IL3RA: variants seen among roughly 807,000 people sequenced by gnomAD.
The protein encoded by IL3RA is interleukin-3 receptor subunit alpha.
A neutral mutation model predicts 52.3 loss-of-function variants in IL3RA; 73 were observed. The observed-to-expected ratio is 1.40, with a 90% confidence interval of 1.16 to 1.70. The LOEUF is 1.70. Among genes scored for constraint, IL3RA ranks in the 40% most tolerant of loss-of-function variants. IL3RA has a pLI of 0.00. For synonymous variants in IL3RA, 260 were observed against 194.0 expected, an observed-to-expected ratio of 1.34 and a Z score of -2.83; for missense variants, 664 against 504.4, an observed-to-expected ratio of 1.32 and a Z score of -3.03.
chrX:1,348,439 C>G lies in IL3RA; in HGVS notation c.192C>G (p.Asn64Lys), dbSNP rs1184428336. ...KDADYSMPAV[N>K]NSYCQFGAIS... ...TCCTATGTCTCTCTTAGGCAGTGAA[C>G]AATAGCTATTGCCAGTTTGGAGCAA... Residue 64 changes from asparagine to lysine, a missense_variant, in exon 4 of 12, where the codon AAC (asparagine) becomes AAG (lysine). Asn to Lys is a moderately conservative substitution (Grantham distance 94). Transcript: ENST00000331035. The G allele has an allele frequency of 1.4e-5, 23 of 1,612,652 alleles. No individual in the cohort carries two copies. Among genetic ancestry groups the G allele is most frequent in the Non-Finnish European group, 1.9e-5 (22 of 1,178,686 alleles).
rs770531404 is a variant in IL3RA at position 1,343,022 on chromosome X, C to A, written c.64+1193C>A. Among the ~76,000 whole-genome samples the A allele has an allele frequency of 4.0e-4, 61 of 151,782 alleles. No homozygotes were observed. The East Asian group carries it at 0.011, about 27-fold the overall frequency. ...CCCGGGAGGAGGAGGTTGCAGTGAG[C>A]CTAGATCACGCCATTGCACTCCAGC... is the stretch of plus-strand genomic sequence containing the variant. On this transcript the variant is annotated intron_variant, in intron 2 of 11. Transcript: ENST00000331035.
At chrX:1,378,432 GC>G (rs1178316313) in intron 9 of IL3RA, among the ~76,000 whole-genome samples, 3 of 152,150 alleles carry the variant, frequency 2.0e-5, no homozygotes, top group Non-Finnish European at 4.4e-5. Context: ...CCAGACTGGG[GC>G]TGGGAGGTCC....
intron 1 of IL3RA, among the ~76,000 whole-genome samples, chrX:1,339,920 C>A (rs2085424104): frequency 6.6e-6 from 1 of 152,058 alleles, no homozygotes; most frequent in Non-Finnish European, 1.5e-5. Flanking sequence ...AGGTCCTGTA[C>A]CCCCTTGTTA....
intron 8 of IL3RA, among the ~76,000 whole-genome samples, chrX:1,359,493 T>C (rs2086999204): frequency 7.4e-6 from 1 of 134,500 alleles, no homozygotes; most frequent in Admixed American, 7.5e-5. Flanking sequence ...CTCTCTCTCG[T>C]CTCTATCTCC....
chrX:1,344,112 G>A (rs1401959767), intron 2 of IL3RA, among the ~76,000 whole-genome samples: 6 of 151,986 alleles, frequency 3.9e-5, no homozygotes, highest in South Asian at 2.1e-4. Context: ...ACTTCTACCA[G>A]CTCACAGAAG....
intron 6 of IL3RA, among the ~76,000 whole-genome samples, chrX:1,355,275 GA>G: frequency 1.4e-5 from 1 of 73,224 alleles, no homozygotes. Context: ...GATGGAGGAA[GA>G]GGAGCAGGAG....
chrX:1,355,930 G>T (rs2086672571), intron 6 of IL3RA, among the ~76,000 whole-genome samples: 1 of 151,972 alleles, frequency 6.6e-6, no homozygotes, highest in Admixed American at 6.6e-5. Context: ...AAAGCTGAAC[G>T]CCTGGTACTT....
At chrX:1,348,806 T>TTCC (rs1459954282) in intron 4 of IL3RA, among the ~76,000 whole-genome samples, 1 of 144,866 alleles carries the variant, frequency 6.9e-6, no homozygotes, top group Non-Finnish European at 1.5e-5. Context: ...TTTTCTTCAC[T>TTCC]TCCTTCCCTC....
intron 8 of IL3RA, among the ~76,000 whole-genome samples, chrX:1,362,714 C>G (rs1190743300): frequency 6.6e-6 from 1 of 152,168 alleles, no homozygotes; most frequent in Admixed American, 6.6e-5. Context: ...GGCCATATCA[C>G]TCCACTCTCT....
intron 2 of IL3RA, among the ~76,000 whole-genome samples, chrX:1,343,678 A>AAATAAT (rs1556615974): frequency 3.3e-5 from 5 of 150,316 alleles, no homozygotes; most frequent in Admixed American, 6.6e-5. Context: ...AAAAAAAAAA[A>AAATAAT]AAAAAAAGAA....
At chrX:1,357,818 A>T (rs2086852399) in intron 7 of IL3RA, among the ~76,000 whole-genome samples, 2 of 150,682 alleles carry the variant, frequency 1.3e-5, no homozygotes, top group Admixed American at 1.3e-4. Context: ...TAAGAAAATA[A>T]ATGGCTGGGT....
chrX:1,363,956 G>A (rs755334969), intron 8 of IL3RA, among the ~76,000 whole-genome samples: 4 of 151,864 alleles, frequency 2.6e-5, no homozygotes, highest in African/African-American at 9.7e-5. Context: ...GCCGAGGCGG[G>A]TGGATCATGA....
chrX:1,379,265 C>T lies in IL3RA; in HGVS notation c.980+501C>T, dbSNP rs189251354. Among the ~76,000 whole-genome samples, 774 of 152,254 alleles carry T rather than the reference C, an allele frequency of 5.1e-3. 3 individuals carry two copies. The highest frequency in any genetic ancestry group is 8.2e-3 in the Non-Finnish European group (557 of 68,024). ...CCACCTCCCGGGTTCAAGTGATTCT[C>T]CTGCCTCAGCCTCCCGAGTAGCTGG... On this transcript the variant is annotated intron_variant, in intron 10 of 11. Coordinates refer to ENST00000331035, the MANE Select transcript of IL3RA (RefSeq NM_002183.4).
In IL3RA at chrX:1,344,944, T is replaced by C. The variant is rs557398307; in HGVS notation, c.65-372T>C. ...TTGGGAGGCTGAGGCGGACGAATCA[T>C]GAGGTCAGGAGATCGAGACCATCCT... is the stretch of plus-strand genomic sequence containing the variant. On this transcript the variant is annotated intron_variant, in intron 2 of 11. Coordinates refer to ENST00000331035, the MANE Select transcript of IL3RA (RefSeq NM_002183.4). 2.0e-3 allele frequency among the ~76,000 whole-genome samples: 289 copies of C among 145,404 alleles called. 4 individuals carry two copies. In the South Asian group the frequency reaches 0.051, roughly 26 times the overall value.
chrX:1,347,970 G>C (rs2085834358), intron 3 of IL3RA, among the ~76,000 whole-genome samples: 1 of 149,344 alleles, frequency 6.7e-6, no homozygotes, highest in Admixed American at 6.8e-5. Context: ...CCGGGAGGGA[G>C]AGGCTACAGT....
rs139019896 is a variant in IL3RA at position 1,347,361 on chromosome X, T to A, written c.184-1070T>A. Among the ~76,000 whole-genome samples the A allele has an allele frequency of 7.6e-3, 1,145 of 151,070 alleles. 54 individuals carry two copies. Among genetic ancestry groups the A allele is most frequent in the African/African-American group, 0.027 (1,079 of 40,658 alleles). ...CGGGAGGCTGAGGCAGGAGAATGGC[T>A]TGAACCTGGGAGGCAGAAGCTTGCA... is the stretch of plus-strand genomic sequence containing the variant. On this transcript the variant is annotated intron_variant, in intron 3 of 11. Coordinates refer to ENST00000331035, the MANE Select transcript of IL3RA (RefSeq NM_002183.4).
rs1176925761 is a variant in IL3RA at position 1,345,447 on chromosome X, C to G, written c.183+13C>G. On this transcript the variant is annotated intron_variant, in intron 3 of 11. Coordinates refer to ENST00000331035, the MANE Select transcript of IL3RA (RefSeq NM_002183.4). ...CTATTCTATGCCGGTAAATCATACTCTCTATTGTTTTTTTATTTTTATTTT... is the reference window on the plus strand; with the variant it reads ...CTATTCTATGCCGGTAAATCATACTGTCTATTGTTTTTTTATTTTTATTTT... 1 of 1,442,806 alleles carries G rather than the reference C, an allele frequency of 6.9e-7. No individual in the cohort carries two copies. The highest frequency in any genetic ancestry group is 2.3e-5 in the East Asian group (1 of 42,922). The allele number at this position is 1,442,806 out of a possible 1,614,324, so 89.4% of individuals were successfully genotyped here. A position where few individuals can be genotyped will look rare whatever the true frequency, so the allele number is the denominator to read the frequency against.
chrX:1,382,520 C>T lies in IL3RA; in HGVS notation c.*55C>T, dbSNP rs185164036. 4.5e-5 allele frequency: 68 copies of T among 1,519,690 alleles called. No individual in the cohort carries two copies. The highest frequency in any genetic ancestry group is 5.5e-5 in the Non-Finnish European group (60 of 1,094,090). 94.1% of individuals were successfully genotyped at this position (1,519,690 alleles called of 1,614,324 possible). ...CCTCAATCTCCCTGGCCGGGCCAGG[C>T]GCCTGCACAGACTGGCTGCTGGACC... On this transcript the variant is annotated 3_prime_UTR_variant, in exon 12 of 12. Transcript: ENST00000331035.
At chrX:1,370,166 A>T (rs1172533447) in intron 9 of IL3RA, among the ~76,000 whole-genome samples, 1 of 31,428 alleles carries the variant, frequency 3.2e-5, no homozygotes, top group Admixed American at 3.9e-4. Flanking sequence ...AGGAACCAGC[A>T]CTGCCCACAC....
Sources: gnomAD v4.1 joint callset for allele counts (sites outside exome capture counted in the v4.1 genomes callset) on GRCh38, gnomAD v4.1.1 for gene constraint, MANE v1.5 for transcripts, NCBI Gene and HGNC (gene_info 2026-07-23, HGNC 2026-07-21) for gene names.